Variants in SLC39A14 observed in about 807,000 individuals in gnomAD.
SLC39A14 encodes solute carrier family 39 member 14, also known as metal cation symporter ZIP14.
A neutral mutation model predicts 45.5 loss-of-function variants in SLC39A14; 19 were observed. That is an observed-to-expected ratio of 0.42 (90% CI 0.29 to 0.61). The LOEUF (loss-of-function observed/expected upper bound fraction) is 0.61, where lower values mean the gene tolerates loss of function less well. Ranked by LOEUF, SLC39A14 falls within the 20% of genes least tolerant of loss-of-function variation. The pLI, the probability that SLC39A14 is intolerant of heterozygous loss-of-function variation, is 0.22. For synonymous variants in SLC39A14, 264 were observed against 251.3 expected (o/e 1.05, Z -0.48); for missense variants, 447 against 616.5 (o/e 0.73, Z 2.91).
At chr8:22,405,549 G>A (rs1022409142) in intron 2 of SLC39A14, among the ~76,000 whole-genome samples, 3 of 152,138 alleles carry the variant, frequency 2.0e-5, no homozygotes, top group Non-Finnish European at 4.4e-5. Flanking sequence ...TGGAAGTGGG[G>A]TTCTCAGCCC....
intron 1 of SLC39A14, among the ~76,000 whole-genome samples, chr8:22,368,830 C>T (rs1411416402): frequency 6.6e-6 from 1 of 152,154 alleles, no homozygotes; most frequent in Non-Finnish European, 1.5e-5. Context: ...GCCACCCTGC[C>T]CGGCCTATCC....
At position 22,367,712 on chromosome 8, in the gene SLC39A14, GC is replaced by G. The variant is rs1832713261; in HGVS notation, c.-16+305del. ...TGAGCCAGGCTCCCGGATTCCCCGCGCGGACACGGACGCAGAACGCAGACAG... is the reference window on the plus strand; with the variant it reads ...TGAGCCAGGCTCCCGGATTCCCCGCGGGACACGGACGCAGAACGCAGACAG... On this transcript the variant is annotated intron_variant, in intron 1 of 8. Coordinates refer to ENST00000381237, the MANE Select transcript of SLC39A14 (RefSeq NM_001128431.4). The surrounding 1 kb of genome is among the most constrained non-coding windows in gnomAD (Gnocchi z 4.2). 1.3e-5 allele frequency: 2 copies of G among 152,410 alleles called. No homozygotes were observed. Among genetic ancestry groups the G allele is most frequent in the Non-Finnish European group, 2.9e-5 (2 of 68,182 alleles). The allele number at this position is 152,410 out of a possible 1,614,324, so 9.4% of individuals were successfully genotyped here. A position where few individuals can be genotyped will look rare whatever the true frequency, so the allele number is the denominator to read the frequency against.
At chr8:22,415,210 C>G in intron 5 of SLC39A14, 1 of 315,358 alleles carries the variant, frequency 3.2e-6, no homozygotes, top group Non-Finnish European at 5.8e-6. Context: ...GAGCTTGATA[C>G]CATGCATTCA....
Position 22,421,866 on chromosome 8 carries a change from C to T in SLC39A14, c.*2168C>T, listed in dbSNP as rs1245630047. ...ATTGAAAAATGAAATAGGGTGTTTTCCCTTTTTGTGCACACCTATATTACC... is the reference window on the plus strand; with the variant it reads ...ATTGAAAAATGAAATAGGGTGTTTTTCCTTTTTGTGCACACCTATATTACC... On this transcript the variant is annotated 3_prime_UTR_variant, in exon 9 of 9. Transcript: ENST00000381237. 2.0e-6 allele frequency: 2 copies of T among 985,212 alleles called. No homozygotes were observed. The highest frequency in any genetic ancestry group is 2.4e-6 in the Non-Finnish European group (2 of 829,916). The allele number at this position is 985,212 out of a possible 1,614,324, so 61.0% of individuals were successfully genotyped here.
downstream of SLC39A14, among the ~76,000 whole-genome samples, chr8:22,424,769 G>A (rs1321517535): frequency 6.6e-6 from 1 of 152,128 alleles, no homozygotes; most frequent in Non-Finnish European, 1.5e-5. Context: ...GCTCACGCCT[G>A]TAATCCCAGC....
chr8:22,415,031 C>A (rs2132354721), intron 5 of SLC39A14, 129 bp downstream of exon 5: 1 of 1,122,210 alleles, frequency 8.9e-7, no homozygotes, highest in South Asian at 1.5e-5. Flanking sequence ...ACTCTAATTT[C>A]TTGAGGAGAC....
At chr8:22,407,598 T>C (rs1835300056) in intron 2 of SLC39A14, among the ~76,000 whole-genome samples, 2 of 152,062 alleles carry the variant, frequency 1.3e-5, no homozygotes, top group South Asian at 4.2e-4. Flanking sequence ...TGACCTCAAG[T>C]GATCTGCCCA....
At chr8:22,381,929 T>C (rs370938054) in intron 1 of SLC39A14, among the ~76,000 whole-genome samples, 15 of 152,210 alleles carry the variant, frequency 9.9e-5, no homozygotes, top group African/African-American at 3.6e-4. Flanking sequence ...TCACCTGAGA[T>C]CAGGAGTCCG....
intron 1 of SLC39A14, among the ~76,000 whole-genome samples, chr8:22,376,804 G>C (rs534429454): frequency 2.9e-4 from 44 of 152,214 alleles, no homozygotes; most frequent in African/African-American, 9.9e-4. Flanking sequence ...CTTGAACCTG[G>C]GAGGTGGAGG....
At chr8:22,374,474 T>C (rs1441187426) in intron 1 of SLC39A14, among the ~76,000 whole-genome samples, 2 of 152,036 alleles carry the variant, frequency 1.3e-5, no homozygotes, top group Admixed American at 6.6e-5. Context: ...GGGGAGGGAC[T>C]GAGCCACATC....
intron 1 of SLC39A14, among the ~76,000 whole-genome samples, chr8:22,373,274 A>C (rs1833033229): frequency 6.6e-6 from 1 of 152,144 alleles, no homozygotes; most frequent in Non-Finnish European, 1.5e-5. Context: ...AAAAAAAAAA[A>C]AAGTTTCATG....
In SLC39A14 at chr8:22,421,551, CTT is replaced by C. The variant is rs1298373238; in HGVS notation, c.*1857_*1858del. 1.0e-6 allele frequency: 1 copy of C among 985,146 alleles called. No individual in the cohort carries two copies. Among genetic ancestry groups the C allele is most frequent in the African/African-American group, 1.7e-5 (1 of 57,206 alleles). 61.0% of individuals were successfully genotyped at this position (985,146 alleles called of 1,614,324 possible). ...CAATTCCTTGAATGTTGGAATCTAA[CTT>C]TTTATATTGTCATTATTATTGTTGT... On this transcript the variant is annotated 3_prime_UTR_variant, in exon 9 of 9. Coordinates refer to ENST00000381237, the MANE Select transcript of SLC39A14 (RefSeq NM_001128431.4).
chr8:22,399,463 C>G (rs141367955), intron 1 of SLC39A14, among the ~76,000 whole-genome samples: 6 of 152,354 alleles, frequency 3.9e-5, no homozygotes, highest in African/African-American at 1.4e-4. Flanking sequence ...CCAACCCTTG[C>G]GGGTGAGTGC....
intron 1 of SLC39A14, among the ~76,000 whole-genome samples, chr8:22,375,677 G>C (rs1586636979): frequency 6.6e-6 from 1 of 151,896 alleles, no homozygotes; most frequent in Admixed American, 6.6e-5. Context: ...TTTAGTAGAG[G>C]TGGGGTTTCG....
At chr8:22,409,529 C>T (rs908804664) in intron 3 of SLC39A14, among the ~76,000 whole-genome samples, 1 of 152,028 alleles carries the variant, frequency 6.6e-6, no homozygotes, top group South Asian at 2.1e-4. Flanking sequence ...ATTTCAGGCA[C>T]GCGCCACCAC....
chr8:22,373,683 G>A (rs1027706446), intron 1 of SLC39A14, among the ~76,000 whole-genome samples: 4 of 151,922 alleles, frequency 2.6e-5, no homozygotes, highest in African/African-American at 4.8e-5. Context: ...ATTACTGTTC[G>A]AGATCACTTA....
chr8:22,387,515 G>A (rs11780977), intron 1 of SLC39A14, among the ~76,000 whole-genome samples: 36,715 of 152,118 alleles, frequency 0.24, 5,211 homozygotes, highest in East Asian at 0.49. Context: ...GAGTGAAAGG[G>A]CAAGTGGAAA....
rs143724214 is a variant in SLC39A14 at position 22,408,434 on chromosome 8, C to G, written c.395C>G (p.Ser132Trp). 1 of 1,614,178 alleles carries G rather than the reference C, an allele frequency of 6.2e-7. No homozygotes were observed. The highest frequency in any genetic ancestry group is 1.3e-5 in the African/African-American group (1 of 75,042). ...CAGCTGGATTCCCGGGCCTGCACCTCGGAGAACCAGGAAAACGAGGAGAAT... is the reference window on the plus strand; with the variant it reads ...CAGCTGGATTCCCGGGCCTGCACCTGGGAGAACCAGGAAAACGAGGAGAAT... ...LQQLDSRACT[S>W]ENQENEENEQ... The change falls in exon 3 of 9, where the codon TCG (serine) becomes TGG (tryptophan). Residue 132 changes from serine to tryptophan, a missense_variant. This residue lies in a region of SLC39A14 where 342 missense variants were observed against 428.1 expected (regional missense o/e 0.80). Transcript: ENST00000381237.
chr8:22,403,520 C>T (rs1835010765), intron 1 of SLC39A14, among the ~76,000 whole-genome samples: 1 of 150,994 alleles, frequency 6.6e-6, no homozygotes, highest in African/African-American at 2.4e-5. Context: ...ACCTTGTGAT[C>T]CACCCACCTC....
Sources: gnomAD v4.1 joint callset for allele counts (sites outside exome capture counted in the v4.1 genomes callset) on GRCh38, gnomAD v4.1.1 for gene constraint, gnomAD v4.1.1 regional missense constraint, Gnocchi (gnomAD v3.1) non-coding constraint, MANE v1.5 for transcripts, NCBI Gene and HGNC (gene_info 2026-07-23, HGNC 2026-07-21) for gene names.